CNTNAP4: variants seen among roughly 807,000 people sequenced by gnomAD.
CNTNAP4 encodes contactin associated protein family member 4.
Under a neutral mutation model 148.4 loss-of-function variants are expected in CNTNAP4, and 98 were observed. That is an observed-to-expected ratio of 0.66 (90% CI 0.56 to 0.78). CNTNAP4 has a LOEUF of 0.78. Ranked by LOEUF, CNTNAP4 falls within the 30% of genes least tolerant of loss-of-function variation. The pLI is 0.00. For missense variants in CNTNAP4, 1,935 were observed against 1,565.6 expected (o/e 1.24, Z -3.98); for synonymous variants, 730 against 565.1 (o/e 1.29, Z -4.14).
At chr16:76,409,081 G>C (rs1187839206) in intron 3 of CNTNAP4, among the ~76,000 whole-genome samples, 1 of 151,860 alleles carries the variant, frequency 6.6e-6, no homozygotes, top group Non-Finnish European at 1.5e-5. Flanking sequence ...AGAATTCAAA[G>C]GAAAATTTGA....
chr16:76,311,299 GT>G (rs1234777598), intron 1 of CNTNAP4, among the ~76,000 whole-genome samples: 1 of 151,928 alleles, frequency 6.6e-6, no homozygotes, highest in African/African-American at 2.4e-5. Context: ...AGGCTATTGA[GT>G]TTTTTTGTAT....
At chr16:76,328,964 C>T (rs1406690924) in intron 2 of CNTNAP4, among the ~76,000 whole-genome samples, 2 of 152,144 alleles carry the variant, frequency 1.3e-5, no homozygotes, top group Non-Finnish European at 2.9e-5. Flanking sequence ...GGACAGGGGA[C>T]TGGGCAAAGG....
intron 11 of CNTNAP4, among the ~76,000 whole-genome samples, chr16:76,477,367 T>C (rs2081625098): frequency 6.6e-6 from 1 of 152,178 alleles, no homozygotes. Flanking sequence ...AACTGAACTC[T>C]TAGTATTACC....
Position 76,449,867 on chromosome 16 carries a change from C to T in CNTNAP4, c.1071+9C>T, listed in dbSNP as rs758238683. 1 of 1,593,538 alleles carries T rather than the reference C, an allele frequency of 6.3e-7. No individual in the cohort carries two copies. Among genetic ancestry groups the T allele is most frequent in the South Asian group, 1.2e-5 (1 of 85,272 alleles). Reference sequence around the variant, plus strand: ...CACAGATCATTGCTATGGTGAGAGTCTTTATGCGAAGACATTAGTAAAACT... The same window carrying T: ...CACAGATCATTGCTATGGTGAGAGTTTTTATGCGAAGACATTAGTAAAACT... On this transcript the variant is annotated intron_variant, in intron 7 of 23. Coordinates refer to ENST00000611870, the MANE Select transcript of CNTNAP4 (RefSeq NM_033401.5).
chr16:76,345,622 T>TA lies in CNTNAP4; in HGVS notation c.197-9695dup, dbSNP rs370685287. On this transcript the variant is annotated intron_variant, in intron 2 of 23. Transcript: ENST00000611870. ...CCATCTGTGTTTGCTAATTGGATCTTATGTAAGTTAGGCTCCTACCCTCCC... is the reference window on the plus strand; with the variant it reads ...CCATCTGTGTTTGCTAATTGGATCTTAATGTAAGTTAGGCTCCTACCCTCCC... Among the ~76,000 whole-genome samples the TA allele has an allele frequency of 1.7e-3, 266 of 152,284 alleles. 2 individuals are homozygous for TA. The highest frequency in any genetic ancestry group is 6.2e-3 in the African/African-American group (259 of 41,566).
At chr16:76,303,193 G>A (rs1024887622) in intron 1 of CNTNAP4, among the ~76,000 whole-genome samples, 2 of 152,090 alleles carry the variant, frequency 1.3e-5, no homozygotes, top group African/African-American at 4.8e-5. Context: ...ATTGTTTCTA[G>A]TTGGCTTGAT....
chr16:76,323,341 TAAAA>T (rs554876198), intron 2 of CNTNAP4, among the ~76,000 whole-genome samples: 1 of 151,808 alleles, frequency 6.6e-6, no homozygotes. Context: ...TTGTGAAGTT[TAAAA>T]AAAACTTACT....
chr16:76,419,808 C>A (rs113155825), intron 3 of CNTNAP4, among the ~76,000 whole-genome samples: 3 of 151,912 alleles, frequency 2.0e-5, no homozygotes, highest in African/African-American at 4.8e-5. Flanking sequence ...GGTTAGGGTC[C>A]TATTTGTGGT....
chr16:76,511,442 GAA>G (rs548808879), intron 15 of CNTNAP4, among the ~76,000 whole-genome samples: 225 of 152,166 alleles, frequency 1.5e-3, no homozygotes, highest in African/African-American at 5.0e-3. Flanking sequence ...TCTTCAACTG[GAA>G]AAAGATATTG....
In CNTNAP4 at chr16:76,414,872, T is replaced by C. The variant is rs1447829952; in HGVS notation, c.391-12580T>C. Among the ~76,000 whole-genome samples, 6 of 151,458 alleles carry C rather than the reference T, an allele frequency of 4.0e-5. No homozygotes were observed. In the Admixed American group the frequency reaches 4.0e-4, roughly 10 times the overall value. ...GCTCTTTTGCATTACTGATATTGTT[T>C]ATTCATGTCTCCTATTTTTTTCTTT... is the stretch of plus-strand genomic sequence containing the variant. On this transcript the variant is annotated intron_variant, in intron 3 of 23. Transcript: ENST00000611870.
chr16:76,336,656 T>G (rs900607510), intron 2 of CNTNAP4, among the ~76,000 whole-genome samples: 5 of 152,222 alleles, frequency 3.3e-5, no homozygotes, highest in Non-Finnish European at 5.9e-5. Flanking sequence ...ATATTCACAA[T>G]GCACATATAA....
In CNTNAP4 at chr16:76,277,465, G is replaced by T; in HGVS notation, c.-198G>T. ...AGAGAGAAAAGAGAGAGACAGAGAC[G>T]GGGAGAGAGAGAGGGAGAGAGAAGA... is the stretch of plus-strand genomic sequence containing the variant. On this transcript the variant is annotated 5_prime_UTR_variant, in exon 1 of 24. Coordinates refer to ENST00000611870, the MANE Select transcript of CNTNAP4 (RefSeq NM_033401.5). 1.8e-6 allele frequency: 1 copy of T among 558,840 alleles called. No individual in the cohort carries two copies. The highest frequency in any genetic ancestry group is 3.2e-6 in the Non-Finnish European group (1 of 314,406). The allele number at this position is 558,840 out of a possible 1,614,324, so 34.6% of individuals were successfully genotyped here. A position where few individuals can be genotyped will look rare whatever the true frequency, so the allele number is the denominator to read the frequency against.
chr16:76,449,010 C>T, intron 6 of CNTNAP4, 59 bp downstream of exon 6: 2 of 1,496,370 alleles, frequency 1.3e-6, no homozygotes, highest in Non-Finnish European at 1.8e-6. Context: ...GTTTAATCTC[C>T]CAGAGGAAAA....
intron 17 of CNTNAP4, among the ~76,000 whole-genome samples, chr16:76,523,580 T>C (rs1425362431): frequency 6.6e-6 from 1 of 152,160 alleles, no homozygotes; most frequent in Non-Finnish European, 1.5e-5. Context: ...ACTTCTCATA[T>C]AGTTTAACAT....
At chr16:76,399,227 C>G (rs983379455) in intron 3 of CNTNAP4, among the ~76,000 whole-genome samples, 1 of 152,098 alleles carries the variant, frequency 6.6e-6, no homozygotes, top group Non-Finnish European at 1.5e-5. Context: ...GACTAATACA[C>G]TTTGCTAACT....
At chr16:76,416,443 T>C (rs1272744924) in intron 3 of CNTNAP4, among the ~76,000 whole-genome samples, 1 of 151,454 alleles carries the variant, frequency 6.6e-6, no homozygotes, top group African/African-American at 2.4e-5. Flanking sequence ...ATCCTGCGTA[T>C]TTTGATGTTA....
chr16:76,447,311 C>G (rs1202694741), intron 4 of CNTNAP4, among the ~76,000 whole-genome samples: 4 of 139,178 alleles, frequency 2.9e-5, no homozygotes, highest in South Asian at 4.6e-4. Context: ...GAAGACCCTG[C>G]CTGAAAAATT....
At chr16:76,435,065 G>A (rs930182194) in intron 4 of CNTNAP4, among the ~76,000 whole-genome samples, 6 of 152,194 alleles carry the variant, frequency 3.9e-5, no homozygotes, top group African/African-American at 1.4e-4. Flanking sequence ...TCTCCTCGGG[G>A]AAGGATAGGA....
intron 3 of CNTNAP4, among the ~76,000 whole-genome samples, chr16:76,406,510 G>T (rs1316269606): frequency 2.0e-5 from 3 of 152,072 alleles, no homozygotes; most frequent in Non-Finnish European, 4.4e-5. Flanking sequence ...CACTTAGGAA[G>T]ACATTGTCCA....
Sources: gnomAD v4.1 joint callset for allele counts (sites outside exome capture counted in the v4.1 genomes callset) on GRCh38, gnomAD v4.1.1 for gene constraint, MANE v1.5 for transcripts, NCBI Gene and HGNC (gene_info 2026-07-23, HGNC 2026-07-21) for gene names.